Variants in CNTN4 observed in about 807,000 individuals in gnomAD.
The protein encoded by CNTN4 is contactin-4.
A neutral mutation model predicts 122.5 loss-of-function variants in CNTN4; 77 were observed. The observed-to-expected ratio is 0.63, with a 90% CI of 0.52 to 0.76. The LOEUF (loss-of-function observed/expected upper bound fraction) is 0.76, where lower values mean the gene tolerates loss of function less well. Among genes scored for constraint, CNTN4 ranks in the 30% least tolerant of loss-of-function variants. CNTN4 has a pLI of 0.00. For synonymous variants in CNTN4, 512 were observed against 447.0 expected (o/e 1.15, Z -1.83); for missense variants, 1,256 against 1,259.1 (o/e 1.00, Z 0.04).
At chr3:2,529,171 C>G (rs1349882492) in intron 3 of CNTN4, among the ~76,000 whole-genome samples, 1 of 152,080 alleles carries the variant, frequency 6.6e-6, no homozygotes, top group Non-Finnish European at 1.5e-5. Flanking sequence ...ATCAACTTTT[C>G]TTAGCTTCTA....
chr3:2,692,780 A>C (rs1442599486), intron 4 of CNTN4, among the ~76,000 whole-genome samples: 2 of 152,144 alleles, frequency 1.3e-5, no homozygotes, highest in Non-Finnish European at 2.9e-5. Context: ...CATTGTATAA[A>C]AATTTTAGCT....
chr3:3,024,054 T>C (rs1698512755), intron 14 of CNTN4, among the ~76,000 whole-genome samples: 1 of 152,182 alleles, frequency 6.6e-6, no homozygotes, highest in Non-Finnish European at 1.5e-5. Flanking sequence ...GACTCAGTTA[T>C]TATGAATGTT....
chr3:2,446,244 TA>T (rs1241055730), intron 3 of CNTN4, among the ~76,000 whole-genome samples: 1 of 152,166 alleles, frequency 6.6e-6, no homozygotes, highest in African/African-American at 2.4e-5. Flanking sequence ...CTGTGTGTTT[TA>T]ACCTCTTAGA....
intron 3 of CNTN4, among the ~76,000 whole-genome samples, chr3:2,396,043 ATT>A (rs555592251): frequency 9.3e-5 from 13 of 140,248 alleles, no homozygotes; most frequent in Admixed American, 1.4e-4. Flanking sequence ...TGTTGTTGTT[ATT>A]TTTTTTTTTT....
intron 4 of CNTN4, among the ~76,000 whole-genome samples, chr3:2,618,052 C>T (rs2081841454): frequency 6.6e-6 from 1 of 152,068 alleles, no homozygotes; most frequent in African/African-American, 2.4e-5. Flanking sequence ...TGAGCACTAT[C>T]CACACACTTA....
At chr3:2,770,738 A>G (rs1471249247) in intron 6 of CNTN4, among the ~76,000 whole-genome samples, 1 of 152,228 alleles carries the variant, frequency 6.6e-6, no homozygotes, top group Non-Finnish European at 1.5e-5. Flanking sequence ...CTGTTTGAAA[A>G]GCTGACGCAG....
intron 4 of CNTN4, among the ~76,000 whole-genome samples, chr3:2,703,941 T>C (rs2086501484): frequency 6.6e-6 from 1 of 152,000 alleles, no homozygotes; most frequent in Admixed American, 6.5e-5. Flanking sequence ...AATCTCCATA[T>C]AATTATTAGG....
At chr3:2,806,093 G>A (rs2092461500) in intron 6 of CNTN4, among the ~76,000 whole-genome samples, 1 of 152,034 alleles carries the variant, frequency 6.6e-6, no homozygotes, top group African/African-American at 2.4e-5. Flanking sequence ...AGAGAGACGG[G>A]GGTCTCACCT....
intron 4 of CNTN4, among the ~76,000 whole-genome samples, chr3:2,704,783 A>G (rs772719969): frequency 2.0e-5 from 3 of 152,198 alleles, no homozygotes; most frequent in Non-Finnish European, 2.9e-5. Context: ...GTTCAATACA[A>G]TACTTTAAGA....
chr3:2,803,558 CTTTTT>C (rs34822164), intron 6 of CNTN4, among the ~76,000 whole-genome samples: 1 of 140,708 alleles, frequency 7.1e-6, no homozygotes, highest in Non-Finnish European at 1.5e-5. Context: ...GTGGTAAATT[CTTTTT>C]TTTTTTTTTT....
intron 4 of CNTN4, among the ~76,000 whole-genome samples, chr3:2,729,286 CG>C (rs2088469275): frequency 6.6e-6 from 1 of 152,010 alleles, no homozygotes. Context: ...TGAAAGTGGC[CG>C]GGCGCGGTGG....
intron 3 of CNTN4, among the ~76,000 whole-genome samples, chr3:2,412,283 C>T (rs561696518): frequency 9.2e-4 from 139 of 151,634 alleles, no homozygotes; most frequent in African/African-American, 3.3e-3. Flanking sequence ...CGGAGTTTCA[C>T]TCTTGTTGCC....
chr3:2,412,925 G>C (rs1375228089), intron 3 of CNTN4, among the ~76,000 whole-genome samples: 1 of 152,120 alleles, frequency 6.6e-6, no homozygotes, highest in Middle Eastern at 3.2e-3. Context: ...CTTCCTCATA[G>C]AATTGTTTTG....
intron 4 of CNTN4, among the ~76,000 whole-genome samples, chr3:2,640,100 G>A (rs1211262441): frequency 6.6e-6 from 1 of 152,172 alleles, no homozygotes; most frequent in Non-Finnish European, 1.5e-5. Context: ...GGGGGCTAAA[G>A]GATTAGAAAT....
chr3:2,433,077 C>T (rs896749231), intron 3 of CNTN4, among the ~76,000 whole-genome samples: 6 of 152,130 alleles, frequency 3.9e-5, no homozygotes, highest in Non-Finnish European at 7.4e-5. Flanking sequence ...CCCACCTCAG[C>T]CACATAAAGT....
chr3:2,854,153 A>T lies in CNTN4; in HGVS notation c.455-12599A>T, dbSNP rs114277053. 5.2e-3 allele frequency among the ~76,000 whole-genome samples: 798 copies of T among 152,270 alleles called. 8 individuals are homozygous for T. The highest frequency in any genetic ancestry group is 0.018 in the African/African-American group (747 of 41,568). ...AGGATAGTTCCATTCTTTACAGACC[A>T]ACAGACCGAATGCTTTTGTTATTGG... is the stretch of plus-strand genomic sequence containing the variant. On this transcript the variant is annotated intron_variant, in intron 7 of 24. Coordinates refer to ENST00000418658, the MANE Select transcript of CNTN4 (RefSeq NM_175607.3).
At chr3:2,658,789 C>G (rs1271359365) in intron 4 of CNTN4, among the ~76,000 whole-genome samples, 2 of 152,068 alleles carry the variant, frequency 1.3e-5, no homozygotes, top group Non-Finnish European at 2.9e-5. Context: ...GCCTGATTTA[C>G]TGGGTCTTAG....
intron 3 of CNTN4, among the ~76,000 whole-genome samples, chr3:2,481,720 A>G (rs1575733190): frequency 6.6e-6 from 1 of 152,018 alleles, no homozygotes; most frequent in African/African-American, 2.4e-5. Flanking sequence ...TGTGGGAGGT[A>G]ATTAAATCAT....
chr3:2,559,801 G>A (rs955497025), intron 3 of CNTN4, among the ~76,000 whole-genome samples: 6 of 152,186 alleles, frequency 3.9e-5, no homozygotes, highest in African/African-American at 1.4e-4. Flanking sequence ...AAAGCATGAT[G>A]ATACTGAGGT....
Sources: allele counts gnomAD v4.1 joint callset (sites outside exome capture counted in the v4.1 genomes callset), GRCh38; gene constraint gnomAD v4.1.1; transcripts MANE v1.5; gene names NCBI Gene and HGNC (gene_info 2026-07-23, HGNC 2026-07-21).